The following PAPPA2 variants were observed in gnomAD, a reference collection of about 807,000 sequenced individuals.
PAPPA2 encodes pappalysin-2.
Under a neutral mutation model 176.4 loss-of-function variants are expected in PAPPA2, and 86 were observed. That is an observed-to-expected ratio of 0.49 (90% confidence interval 0.41 to 0.58). PAPPA2 has a LOEUF of 0.58. PAPPA2 is among the 20% of genes least tolerant of loss of function. The pLI is 0.00. For synonymous variants in PAPPA2, 809 were observed against 852.2 expected (o/e 0.95, Z 0.88); for missense variants, 2,073 against 2,256.9 (o/e 0.92, Z 1.65).
At chr1:176,734,393 A>AACACAC (rs34765229) in intron 12 of PAPPA2, among the ~76,000 whole-genome samples, 51 of 147,442 alleles carry the variant, frequency 3.5e-4, no homozygotes, top group Admixed American at 1.1e-3. Flanking sequence ...ACCCTTCTGA[A>AACACAC]ACACACACAC....
chr1:176,782,850 TG>T (rs1274794400), intron 17 of PAPPA2, among the ~76,000 whole-genome samples: 1 of 152,116 alleles, frequency 6.6e-6, no homozygotes, highest in African/African-American at 2.4e-5. Context: ...GAAGGAGAAG[TG>T]GGGTGTCCAG....
chr1:176,835,757 A>T (rs578043745), intron 21 of PAPPA2, among the ~76,000 whole-genome samples: 1 of 152,214 alleles, frequency 6.6e-6, no homozygotes, highest in South Asian at 2.1e-4. Context: ...ACTTCAGGTG[A>T]TCCACCCGCC....
chr1:176,759,974 T>C (rs1336172935), intron 14 of PAPPA2, among the ~76,000 whole-genome samples: 1 of 152,110 alleles, frequency 6.6e-6, no homozygotes, highest in Middle Eastern at 3.2e-3. Context: ...TTAGTCAAGA[T>C]TTAAGAGATC....
chr1:176,508,719 G>C (rs1331391638), intron 1 of PAPPA2, among the ~76,000 whole-genome samples: 1 of 152,018 alleles, frequency 6.6e-6, no homozygotes, highest in Non-Finnish European at 1.5e-5. Context: ...TTGAATCATG[G>C]GGGTGGATTT....
At chr1:176,598,486 T>A (rs1244725993) in intron 3 of PAPPA2, among the ~76,000 whole-genome samples, 2 of 152,216 alleles carry the variant, frequency 1.3e-5, no homozygotes, top group Non-Finnish European at 2.9e-5. Flanking sequence ...ATGTTAATTG[T>A]TGCAGAACAA....
chr1:176,777,285 A>G (rs992610354), intron 17 of PAPPA2, among the ~76,000 whole-genome samples: 1 of 152,194 alleles, frequency 6.6e-6, no homozygotes, highest in Admixed American at 6.6e-5. Flanking sequence ...TGGACTTAGT[A>G]GACAGTATTT....
At chr1:176,807,493 CT>C (rs1665954241) in intron 21 of PAPPA2, among the ~76,000 whole-genome samples, 2 of 148,016 alleles carry the variant, frequency 1.4e-5, no homozygotes, top group African/African-American at 2.5e-5. Context: ...TTCTTTCTTT[CT>C]TTCTTTTTTT....
chr1:176,667,149 G>A (rs1231197408), intron 3 of PAPPA2, among the ~76,000 whole-genome samples: 1 of 152,064 alleles, frequency 6.6e-6, no homozygotes, highest in Admixed American at 6.5e-5. Flanking sequence ...GGAAGGCTGA[G>A]GCAGGAGAAT....
intron 4 of PAPPA2, among the ~76,000 whole-genome samples, chr1:176,671,647 A>C (rs1187580284): frequency 1.3e-5 from 2 of 152,080 alleles, no homozygotes; most frequent in African/African-American, 2.4e-5. Context: ...AATAGCAAAG[A>C]CTTGGAATCA....
intron 3 of PAPPA2, among the ~76,000 whole-genome samples, chr1:176,653,929 C>T (rs1657888044): frequency 6.6e-6 from 1 of 151,698 alleles, no homozygotes; most frequent in Non-Finnish European, 1.5e-5. Flanking sequence ...TTTCTTCGTA[C>T]CTCTTCATTA....
At chr1:176,752,545 A>T (rs1663234533) in intron 14 of PAPPA2, among the ~76,000 whole-genome samples, 1 of 152,172 alleles carries the variant, frequency 6.6e-6, no homozygotes, top group Non-Finnish European at 1.5e-5. Flanking sequence ...TGAATAATGT[A>T]TATTTGGTTT....
chr1:176,683,748 A>G (rs1014148766), intron 4 of PAPPA2, among the ~76,000 whole-genome samples: 4 of 151,972 alleles, frequency 2.6e-5, no homozygotes. Context: ...TGCCCTTCCT[A>G]TTTAGCTCTG....
At chr1:176,525,721 G>A (rs993082465) in intron 1 of PAPPA2, among the ~76,000 whole-genome samples, 2 of 152,124 alleles carry the variant, frequency 1.3e-5, no homozygotes, top group East Asian at 3.9e-4. Flanking sequence ...AATCAATCAT[G>A]TGGCAGAGGC....
At chr1:176,657,693 C>T (rs1341502311) in intron 3 of PAPPA2, among the ~76,000 whole-genome samples, 2 of 151,852 alleles carry the variant, frequency 1.3e-5, no homozygotes, top group African/African-American at 4.8e-5. Context: ...GAAAGAATAA[C>T]AAGTTTGGGT....
intron 21 of PAPPA2, among the ~76,000 whole-genome samples, chr1:176,825,633 G>A (rs187128255): frequency 3.9e-5 from 6 of 152,114 alleles, no homozygotes; most frequent in Admixed American, 2.6e-4. Context: ...GACAAACTTA[G>A]ATAGAGCATT....
chr1:176,795,144 T>C (rs1665369709), intron 20 of PAPPA2, among the ~76,000 whole-genome samples: 1 of 152,188 alleles, frequency 6.6e-6, no homozygotes, highest in Non-Finnish European at 1.5e-5. Flanking sequence ...TGGGAGAAGC[T>C]CCCTCAGACT....
chr1:176,557,808 A>G (rs764025101), intron 2 of PAPPA2, among the ~76,000 whole-genome samples: 3 of 152,192 alleles, frequency 2.0e-5, no homozygotes, highest in Non-Finnish European at 4.4e-5. Flanking sequence ...CCACTTTGTC[A>G]CAACAATCAT....
chr1:176,554,972 A>AGTGT (rs561289002), intron 1 of PAPPA2, among the ~76,000 whole-genome samples: 17,288 of 140,068 alleles, frequency 0.12, 1,082 homozygotes, highest in Middle Eastern at 0.16. Flanking sequence ...GTTCACAGTA[A>AGTGT]GTGTGTGTGT....
intron 1 of PAPPA2, among the ~76,000 whole-genome samples, chr1:176,484,974 G>A (rs979047672): frequency 2.6e-5 from 4 of 152,132 alleles, no homozygotes; most frequent in Admixed American, 2.6e-4. Flanking sequence ...TCACCTATCA[G>A]TCTCTCCAAT....
Sources: allele counts gnomAD v4.1 joint callset (sites outside exome capture counted in the v4.1 genomes callset), GRCh38; gene constraint gnomAD v4.1.1; transcripts MANE v1.5; gene names NCBI Gene and HGNC (gene_info 2026-07-23, HGNC 2026-07-21).